The following ADCY5 variants were observed in gnomAD, a reference collection of about 807,000 sequenced individuals.
ADCY5 encodes adenylate cyclase type 5.
A neutral mutation model predicts 119.7 loss-of-function variants in ADCY5; 30 were observed. The observed-to-expected ratio is 0.25, with a 90% CI of 0.19 to 0.34. The LOEUF (loss-of-function observed/expected upper bound fraction) is 0.34. ADCY5 is among the 10% of genes least tolerant of loss of function. The pLI is 1.00. For missense variants in ADCY5, 1,324 were observed against 1,775.2 expected (o/e 0.75, Z 4.57); for synonymous variants, 753 against 762.2 (o/e 0.99, Z 0.20).
rs1349547700 is a variant in ADCY5 at position 123,368,045 on chromosome 3, G to T, written c.1135-15464C>A. ...CAGGGATCCAGGGGCCCCAGAGATT[G>T]CCTGGGGGAGAGAGGCAGGAAGATT... is the stretch of plus-strand genomic sequence containing the variant. On this transcript the variant is annotated intron_variant, in intron 1 of 20. Transcript: ENST00000462833. 2.7e-6 allele frequency: 4 copies of T among 1,465,258 alleles called. No homozygotes were observed. In the Admixed American group the frequency reaches 8.2e-5, roughly 30 times the overall value. The allele number at this position is 1,465,258 out of a possible 1,614,324, so 90.8% of individuals were successfully genotyped here.
chr3:123,447,162 G>A (rs1169889167), intron 1 of ADCY5, among the ~76,000 whole-genome samples: 1 of 152,190 alleles, frequency 6.6e-6, no homozygotes, highest in Non-Finnish European at 1.5e-5. Context: ...CCACAGTGAT[G>A]GCTACAGTTC....
intron 1 of ADCY5, among the ~76,000 whole-genome samples, chr3:123,410,546 C>A (rs375104636): frequency 2.0e-5 from 3 of 152,188 alleles, no homozygotes; most frequent in Admixed American, 1.3e-4. Flanking sequence ...ATAACGTCCA[C>A]CTTAGAAAGC....
Position 123,423,786 on chromosome 3 carries a change from A to G in ADCY5, c.1134+23626T>C, listed in dbSNP as rs546119622. ...CCAAGAAGGGTTCTCGGGTATGAGG[A>G]AAGAAGGGCAGGGGAGGGTGGCCAG... On this transcript the variant is annotated intron_variant, in intron 1 of 20. Transcript: ENST00000462833. Among the ~76,000 whole-genome samples, 3 of 152,288 alleles carry G rather than the reference A, an allele frequency of 2.0e-5. No homozygotes were observed. In the East Asian group the frequency reaches 5.8e-4, roughly 29 times the overall value.
At chr3:123,316,135 T>C (rs1038170203) in intron 11 of ADCY5, among the ~76,000 whole-genome samples, 2 of 152,174 alleles carry the variant, frequency 1.3e-5, no homozygotes, top group Non-Finnish European at 2.9e-5. Context: ...CCTCCTGCTA[T>C]GGTACATGGA....
Position 123,448,391 on chromosome 3 carries a change from C to A in ADCY5, c.155G>T (p.Gly52Val). The change falls in exon 1 of 21, where the codon GGC (glycine) becomes GTC (valine). Residue 52 changes from glycine (G) to valine (V), a missense_variant. Coordinates refer to ENST00000462833, the MANE Select transcript of ADCY5 (RefSeq NM_183357.3). The part of the protein sequence containing the change: ...YPHAPGGSAR[G>V]STKKPGGAVT... ...CGCCCCCCCGGGTTTCTTGGTGGAG[C>A]CGCGGGCAGAGCCCCCGGGGGCATG... The A allele has an allele frequency of 2.1e-6, 3 of 1,455,416 alleles. No individual in the cohort carries two copies. Among genetic ancestry groups the A allele is most frequent in the Non-Finnish European group, 1.8e-6 (2 of 1,111,786 alleles). 90.2% of individuals were successfully genotyped at this position (1,455,416 alleles called of 1,614,324 possible).
At chr3:123,344,707 A>G (rs1942449996) in intron 3 of ADCY5, among the ~76,000 whole-genome samples, 1 of 152,104 alleles carries the variant, frequency 6.6e-6, no homozygotes, top group Admixed American at 6.6e-5. Flanking sequence ...GTCACCCCCC[A>G]TCTCCTACTT....
intron 1 of ADCY5, among the ~76,000 whole-genome samples, chr3:123,370,428 A>G (rs1943596439): frequency 6.6e-6 from 1 of 152,180 alleles, no homozygotes; most frequent in African/African-American, 2.4e-5. Flanking sequence ...TCTTGCAGCA[A>G]GGTGTGGTCA....
intron 5 of ADCY5, among the ~76,000 whole-genome samples, chr3:123,329,935 G>A (rs1033251824): frequency 1.3e-5 from 2 of 152,094 alleles, no homozygotes; most frequent in African/African-American, 2.4e-5. Context: ...TTAACTCCAC[G>A]GCCACCTCCT....
chr3:123,404,203 C>T (rs1046128238), intron 1 of ADCY5: 51 of 152,220 alleles, frequency 3.4e-4, no homozygotes, highest in African/African-American at 1.1e-3. Flanking sequence ...TGTCACATTA[C>T]CTCGAGGCTC....
chr3:123,373,683 C>CA (rs1472478031), intron 1 of ADCY5, among the ~76,000 whole-genome samples: 4 of 151,832 alleles, frequency 2.6e-5, no homozygotes, highest in South Asian at 2.1e-4. Flanking sequence ...TGCCAGCACT[C>CA]ACGAGGCTGG....
intron 1 of ADCY5, among the ~76,000 whole-genome samples, chr3:123,435,857 A>T (rs1330117508): frequency 1.8e-5 from 2 of 110,538 alleles, no homozygotes; most frequent in African/African-American, 9.2e-5. Context: ...CCCTTTTATT[A>T]TTATTATTAT....
At chr3:123,406,042 T>C (rs1944890176) in intron 1 of ADCY5, among the ~76,000 whole-genome samples, 1 of 152,194 alleles carries the variant, frequency 6.6e-6, no homozygotes, top group Non-Finnish European at 1.5e-5. Flanking sequence ...GTAAATGACT[T>C]GCTTGTGAGT....
intron 1 of ADCY5, among the ~76,000 whole-genome samples, chr3:123,373,097 G>A (rs1185335599): frequency 6.6e-6 from 1 of 152,176 alleles, no homozygotes. Flanking sequence ...GCTAGGCTGG[G>A]GCCAAGTCTC....
intron 15 of ADCY5, among the ~76,000 whole-genome samples, chr3:123,298,830 C>CTTTTTTTTT (rs35856404): frequency 0.02 from 2,022 of 102,386 alleles, 200 homozygotes; most frequent in African/African-American, 0.034. Context: ...AAAACTGTCA[C>CTTTTTTTTT]TTTTTTTTTT....
In ADCY5 at chr3:123,412,851, C is replaced by T. The variant is rs527948774; in HGVS notation, c.1134+34561G>A. Among the ~76,000 whole-genome samples, 29 of 152,146 alleles carry T rather than the reference C, an allele frequency of 1.9e-4. No individual in the cohort carries two copies. In the South Asian group the frequency reaches 4.8e-3, roughly 25 times the overall value. On this transcript the variant is annotated intron_variant, in intron 1 of 20. Coordinates refer to ENST00000462833, the MANE Select transcript of ADCY5 (RefSeq NM_183357.3). The stretch of plus-strand genomic sequence containing the variant: ...AAAAGGCAGTCATGGTTATGTGCTT[C>T]GTTCAATGACTGCCCTAAATAGCCC...
At chr3:123,341,160 T>A (rs1411705867) in intron 3 of ADCY5, among the ~76,000 whole-genome samples, 2 of 151,592 alleles carry the variant, frequency 1.3e-5, no homozygotes, top group Non-Finnish European at 2.9e-5. Flanking sequence ...ATGAAAAAAA[T>A]ATTTGTACAC....
At chr3:123,385,277 C>T (rs1321700525) in intron 1 of ADCY5, among the ~76,000 whole-genome samples, 1 of 111,108 alleles carries the variant, frequency 9.0e-6, no homozygotes, top group Non-Finnish European at 1.9e-5. Context: ...AAAAAATGTC[C>T]ACTGCAGACA....
At chr3:123,304,823 G>A (rs1161319195) in intron 12 of ADCY5, among the ~76,000 whole-genome samples, 1 of 152,074 alleles carries the variant, frequency 6.6e-6, no homozygotes, top group African/African-American at 2.4e-5. Context: ...CTGCAGCTTT[G>A]GTAATTAAAT....
intron 1 of ADCY5, among the ~76,000 whole-genome samples, chr3:123,378,030 T>C (rs1285998679): frequency 6.6e-6 from 1 of 151,602 alleles, no homozygotes; most frequent in East Asian, 1.9e-4. Flanking sequence ...CTTTGGGCAC[T>C]CTGCAAAGCT....
Sources: allele counts gnomAD v4.1 joint callset (sites outside exome capture counted in the v4.1 genomes callset), GRCh38; gene constraint gnomAD v4.1.1; transcripts MANE v1.5; gene names NCBI Gene and HGNC (gene_info 2026-07-23, HGNC 2026-07-21).